HMGA2: variants seen among roughly 807,000 people sequenced by gnomAD.
HMGA2 encodes the protein high mobility group protein HMGI-C.
Under a neutral mutation model 19.1 loss-of-function variants are expected in HMGA2, and 8 were observed. The observed-to-expected ratio is 0.42, with a 90% CI of 0.25 to 0.76. The LOEUF (loss-of-function observed/expected upper bound fraction) is 0.76, where lower values mean the gene tolerates loss of function less well. Ranked by LOEUF, HMGA2 falls within the 30% of genes least tolerant of loss-of-function variation. The probability of loss-of-function intolerance (pLI) is 0.28; values close to 1 mark genes in which losing one functional copy is unlikely to be tolerated. For synonymous variants in HMGA2, 60 were observed against 48.8 expected, an observed-to-expected ratio of 1.23 and a Z score of -0.96; for missense variants, 109 against 136.3, an observed-to-expected ratio of 0.80 and a Z score of 1.00.
At chr12:65,851,608 G>A (rs765899940) in intron 3 of HMGA2, 1 of 437,074 alleles carries the variant, frequency 2.3e-6, no homozygotes, top group Non-Finnish European at 4.6e-6. Context: ...GCGGAGTTTG[G>A]AGTGAGCCAA....
chr12:65,929,986 GA>G (rs539818754), intron 3 of HMGA2, among the ~76,000 whole-genome samples: 104 of 152,148 alleles, frequency 6.8e-4, no homozygotes, highest in African/African-American at 1.5e-3. Flanking sequence ...GTAGAGGGGG[GA>G]AACCATGAAA....
intron 3 of HMGA2, chr12:65,867,449 CTGGCCAGTTTTCCCTTAA>C (rs1872486424): frequency 2.2e-6 from 1 of 453,040 alleles, no homozygotes; most frequent in African/African-American, 2.0e-5. Flanking sequence ...TTAGAATTGG[CTGGCCAGTTTTCCCTTAA>C]TGAGTGTTTA....
chr12:65,866,344 T>C (rs1309787024), intron 3 of HMGA2, among the ~76,000 whole-genome samples: 2 of 152,140 alleles, frequency 1.3e-5, no homozygotes, highest in Non-Finnish European at 2.9e-5. Flanking sequence ...AGAAGAAAAG[T>C]GAACCAAGTT....
intron 3 of HMGA2, chr12:65,942,493 T>A (rs1876124314): frequency 6.6e-6 from 1 of 152,162 alleles, no homozygotes; most frequent in South Asian, 2.1e-4. Flanking sequence ...ACTGAAACAT[T>A]CATTATTTTC....
At chr12:65,940,457 TA>T (rs1361986600) in intron 3 of HMGA2, among the ~76,000 whole-genome samples, 1 of 152,208 alleles carries the variant, frequency 6.6e-6, no homozygotes, top group Non-Finnish European at 1.5e-5. Context: ...TAAGATCTTT[TA>T]AATTGTTATA....
At chr12:65,848,129 CA>C (rs1175185590) in intron 3 of HMGA2, among the ~76,000 whole-genome samples, 1 of 152,206 alleles carries the variant, frequency 6.6e-6, no homozygotes, top group Non-Finnish European at 1.5e-5. Flanking sequence ...TTAATGTTTC[CA>C]TTCCCTCACT....
At chr12:65,904,253 CG>C (rs1874492784) in intron 3 of HMGA2, among the ~76,000 whole-genome samples, 1 of 152,198 alleles carries the variant, frequency 6.6e-6, no homozygotes, top group Non-Finnish European at 1.5e-5. Context: ...TTCCTTGGCT[CG>C]TTGAGTGACC....
At chr12:65,955,815 G>A (rs1876589387) in intron 4 of HMGA2, 1 of 152,216 alleles carries the variant, frequency 6.6e-6, no homozygotes, top group African/African-American at 2.4e-5. Context: ...AGTAAGCCTT[G>A]ATTATCACGG....
intron 3 of HMGA2, among the ~76,000 whole-genome samples, chr12:65,944,199 G>T (rs1327987299): frequency 3.3e-5 from 5 of 152,130 alleles, no homozygotes; most frequent in Non-Finnish European, 7.3e-5. Flanking sequence ...ACCTCAAACT[G>T]AACTCCCCTA....
At position 65,963,687 on chromosome 12, in the gene HMGA2, C is replaced by CGT. The variant is rs1315870549; in HGVS notation, c.*398_*399dup. 2.7e-6 allele frequency: 1 copy of CGT among 369,976 alleles called. No homozygotes were observed. The highest frequency in any genetic ancestry group is 2.1e-5 in the African/African-American group (1 of 48,230). 22.9% of individuals were successfully genotyped at this position (369,976 alleles called of 1,614,324 possible). On this transcript the variant is annotated 3_prime_UTR_variant, in exon 5 of 5. Coordinates refer to ENST00000403681, the MANE Select transcript of HMGA2 (RefSeq NM_003483.6). ...CACTGCACTGCATGCAAACAAGAAA[C>CGT]GTGTCACACTTGTGACGTCGGGCAT...
chr12:65,848,623 G>A (rs938057671), intron 3 of HMGA2, among the ~76,000 whole-genome samples: 96 of 152,238 alleles, frequency 6.3e-4, no homozygotes, highest in Non-Finnish European at 1.1e-3. Flanking sequence ...TTGGGAGGCC[G>A]AGGCGGGTGG....
chr12:65,919,918 G>A (rs182410576), intron 3 of HMGA2, among the ~76,000 whole-genome samples: 37 of 152,266 alleles, frequency 2.4e-4, no homozygotes, highest in Non-Finnish European at 4.7e-4. Context: ...TTTTAATGAC[G>A]AAAGATGGAC....
intron 3 of HMGA2, among the ~76,000 whole-genome samples, chr12:65,939,732 G>T (rs1477744560): frequency 2.6e-5 from 4 of 152,166 alleles, no homozygotes; most frequent in African/African-American, 9.7e-5. Flanking sequence ...TAATGTCATG[G>T]ATGGTAACAT....
intron 3 of HMGA2, among the ~76,000 whole-genome samples, chr12:65,901,276 A>G (rs1379436447): frequency 6.6e-6 from 1 of 152,266 alleles, no homozygotes; most frequent in Admixed American, 6.5e-5. Context: ...AGCATAAAAC[A>G]TTTAAGGAAA....
chr12:65,860,147 A>G, intron 3 of HMGA2: 1 of 374,582 alleles, frequency 2.7e-6, no homozygotes. Flanking sequence ...CATCTCACCT[A>G]CTGAACATCC....
At chr12:65,929,680 C>T (rs1479174641) in intron 3 of HMGA2, among the ~76,000 whole-genome samples, 1 of 152,086 alleles carries the variant, frequency 6.6e-6, no homozygotes, top group East Asian at 1.9e-4. Flanking sequence ...CAAAACCTTA[C>T]ACCAACTCTT....
At chr12:65,926,103 C>A (rs1875494912) in intron 3 of HMGA2, among the ~76,000 whole-genome samples, 1 of 152,118 alleles carries the variant, frequency 6.6e-6, no homozygotes. Flanking sequence ...TTATTCTGTC[C>A]TCAGGAATGC....
At chr12:65,859,997 G>A (rs1194757518) in intron 3 of HMGA2, 1 of 447,538 alleles carries the variant, frequency 2.2e-6, no homozygotes, top group South Asian at 1.6e-5. Flanking sequence ...GGAGGCTGAG[G>A]TGGGAAAATG....
chr12:65,882,045 C>A (rs1383802199), intron 3 of HMGA2: 3 of 634,118 alleles, frequency 4.7e-6, no homozygotes, highest in Non-Finnish European at 8.7e-6. Flanking sequence ...TCCCAGTTGT[C>A]TATCACCAAA....
Sources: gnomAD v4.1 joint callset for allele counts (sites outside exome capture counted in the v4.1 genomes callset) on GRCh38, gnomAD v4.1.1 for gene constraint, MANE v1.5 for transcripts, NCBI Gene and HGNC (gene_info 2026-07-23, HGNC 2026-07-21) for gene names.